SULT1C2: variants seen among roughly 807,000 people sequenced by gnomAD.
SULT1C2 encodes the protein sulfotransferase family 1C member 2, also known as sulfotransferase 1C2.
In SULT1C2, 27 loss-of-function variants were observed where a neutral mutation model predicts 36.0. That is an observed-to-expected ratio of 0.75 (90% CI 0.55 to 1.03). SULT1C2 has a LOEUF of 1.03. Ranked by LOEUF, SULT1C2 falls within the 50% of genes least tolerant of loss-of-function variation. The pLI is 0.00. For synonymous variants in SULT1C2, 121 were observed against 116.0 expected (o/e 1.04, Z -0.27); for missense variants, 395 against 359.2 (o/e 1.10, Z -0.80).
intron 2 of SULT1C2, among the ~76,000 whole-genome samples, 165 bp downstream of exon 2, chr2:108,293,983 A>G (rs1024503267): frequency 6.6e-6 from 1 of 152,178 alleles, no homozygotes; most frequent in Admixed American, 6.5e-5. Context: ...GTTTTCCAGG[A>G]AAGCTGCTAT....
chr2:108,291,079 C>T (rs1013173765), intron 1 of SULT1C2, among the ~76,000 whole-genome samples: 3 of 152,180 alleles, frequency 2.0e-5, no homozygotes, highest in African/African-American at 7.2e-5. Context: ...AGAAGAATCC[C>T]TTCCAAGCTC....
chr2:108,291,659 A>G (rs974562671), intron 1 of SULT1C2, among the ~76,000 whole-genome samples: 38 of 152,198 alleles, frequency 2.5e-4, no homozygotes, highest in African/African-American at 9.2e-4. Flanking sequence ...ATTCGTATAC[A>G]GATGTTGGCT....
intron 4 of SULT1C2, chr2:108,302,026 A>G (rs1025589773): frequency 2.0e-5 from 3 of 152,208 alleles, no homozygotes; most frequent in Non-Finnish European, 2.9e-5. Flanking sequence ...GAACCCCTGA[A>G]GCCCTTATAT....
intron 5 of SULT1C2, 68 bp downstream of exon 5, chr2:108,304,768 A>T: frequency 6.5e-7 from 1 of 1,549,922 alleles, no homozygotes; most frequent in South Asian, 1.3e-5. Flanking sequence ...AACCACAGGC[A>T]GCATTTTATC....
rs143858235 is a variant in SULT1C2, at chr2:108,308,425, GA to G, written c.853del (p.Met285TrpfsTer6). 2.2e-3 allele frequency: 3,625 copies of G among 1,612,756 alleles called. 86 individuals carry two copies. The African/African-American group carries it at 0.043, about 19-fold the overall frequency. ...GGTTTGATGAAATCTATAGAAGAAAGATGGAAGGAACCTCCATAAACTTCTG... is the reference window on the plus strand; with the variant it reads ...GGTTTGATGAAATCTATAGAAGAAAGTGGAAGGAACCTCCATAAACTTCTG... ...ERFDEIYRRK[M>X]EGTSINFCME... is the part of the protein sequence containing the mutation. On this transcript the variant is annotated frameshift_variant, in exon 8 of 8. Coordinates refer to ENST00000251481, the MANE Select transcript of SULT1C2 (RefSeq NM_001056.4). LOFTEE classifies it high-confidence loss of function.
intron 4 of SULT1C2, chr2:108,301,247 G>A (rs1321387773): frequency 1.7e-5 from 5 of 292,986 alleles, no homozygotes; most frequent in African/African-American, 1.1e-4. Context: ...GCCATGGGGA[G>A]GTTTTCTAAC....
intron 4 of SULT1C2, chr2:108,301,810 C>T (rs1380914326): frequency 6.6e-6 from 1 of 152,216 alleles, no homozygotes; most frequent in African/African-American, 2.4e-5. Flanking sequence ...GTCAAGGGTA[C>T]AAACTGAGCC....
At chr2:108,299,798 A>G (rs1258340931) in intron 3 of SULT1C2, 5 of 152,254 alleles carry the variant, frequency 3.3e-5, no homozygotes, top group Admixed American at 2.0e-4. Flanking sequence ...AAATAACATT[A>G]TTCACAATAG....
intron 4 of SULT1C2, chr2:108,302,090 T>C (rs1676892247): frequency 6.6e-6 from 1 of 152,178 alleles, no homozygotes; most frequent in Non-Finnish European, 1.5e-5. Context: ...TTTTAATGCA[T>C]AACTGAGATC....
chr2:108,293,919 T>C, intron 2 of SULT1C2, 101 bp downstream of exon 2: 1 of 1,490,970 alleles, frequency 6.7e-7, no homozygotes, highest in South Asian at 1.3e-5. Flanking sequence ...TCCTTCTTAT[T>C]GTTCCACAAT....
Position 108,288,903 on chromosome 2 carries a change from G to C in SULT1C2, c.-189G>C, listed in dbSNP as rs1335660257. ...AAAAGCTTCAACTTCCCACACTGAA[G>C]CTGAGAGCCTCCCAAAGTGCTGGCT... On this transcript the variant is annotated 5_prime_UTR_variant, in exon 1 of 8. Transcript: ENST00000251481. 1 of 152,578 alleles carries C rather than the reference G, an allele frequency of 6.6e-6. No individual in the cohort carries two copies. Among genetic ancestry groups the C allele is most frequent in the East Asian group, 1.9e-4 (1 of 5,176 alleles). The allele number at this position is 152,578 out of a possible 1,614,324, so 9.5% of individuals were successfully genotyped here. A position where few individuals can be genotyped will look rare whatever the true frequency, so the allele number is the denominator to read the frequency against.
At position 108,305,777 on chromosome 2, in the gene SULT1C2, C is replaced by T. The variant is rs1677009674; in HGVS notation, c.778+182C>T. On this transcript the variant is annotated intron_variant, in intron 7 of 7. Coordinates refer to ENST00000251481, the MANE Select transcript of SULT1C2 (RefSeq NM_001056.4). The stretch of plus-strand genomic sequence containing the variant: ...AAGAGAGCTTTCTAGGGTATTGTTC[C>T]AGTATTTGGTTGCAAGGAACAGAGA... The T allele has an allele frequency of 1.0e-5, 8 of 774,666 alleles. No individual in the cohort carries two copies. The East Asian group carries it at 1.7e-4, about 16-fold the overall frequency. The allele number at this position is 774,666 out of a possible 1,614,324, so 48.0% of individuals were successfully genotyped here.
At position 108,300,758 on chromosome 2, in the gene SULT1C2, G is replaced by T. The variant is rs17036079; in HGVS notation, c.278-80G>T. The T allele has an allele frequency of 3.8e-6, 6 of 1,589,400 alleles. No homozygotes were observed. The African/African-American group carries it at 8.1e-5, about 21-fold the overall frequency. On this transcript the variant is annotated intron_variant, in intron 3 of 7. Transcript: ENST00000251481. ...CAGAAAGACAGGTGGGTGATGGGATGTCCTGGACAGAGCCTGGATCATGAG... is the reference window on the plus strand; with the variant it reads ...CAGAAAGACAGGTGGGTGATGGGATTTCCTGGACAGAGCCTGGATCATGAG...
chr2:108,289,154 G>C (rs1286483348), intron 1 of SULT1C2, 84 bp downstream of exon 1: 1 of 152,616 alleles, frequency 6.6e-6, no homozygotes, highest in Non-Finnish European at 1.5e-5. Context: ...TGGCTTTACA[G>C]ATGCATTTAT....
In SULT1C2 at chr2:108,308,467, A is replaced by G. The variant is rs759272565; in HGVS notation, c.*3A>G. ...TAAACTTCTGCATGGAACTCTGAGCAAGATGTAAATAAAATTAAAAGGTGG... is the reference window on the plus strand; with the variant it reads ...TAAACTTCTGCATGGAACTCTGAGCGAGATGTAAATAAAATTAAAAGGTGG... On this transcript the variant is annotated 3_prime_UTR_variant, in exon 8 of 8. Coordinates refer to ENST00000251481, the MANE Select transcript of SULT1C2 (RefSeq NM_001056.4). The G allele has an allele frequency of 1.3e-6, 2 of 1,598,348 alleles. No homozygotes were observed. Among genetic ancestry groups the G allele is most frequent in the Non-Finnish European group, 1.7e-6 (2 of 1,175,430 alleles).
chr2:108,305,508 G>A lies in SULT1C2; in HGVS notation c.691G>A (p.Glu231Lys). The A allele has an allele frequency of 1.2e-6, 2 of 1,614,170 alleles. No individual in the cohort carries two copies. Among genetic ancestry groups the A allele is most frequent in the Non-Finnish European group, 1.7e-6 (2 of 1,180,026 alleles). Residue 231 changes from glutamate to lysine, a missense_variant, in exon 7 of 8, where the codon GAG becomes AAG. Coordinates refer to ENST00000251481, the MANE Select transcript of SULT1C2 (RefSeq NM_001056.4). ...LDKIVQETSF[E>K]KMKENPMTNR... is the part of the protein sequence containing the mutation. The stretch of plus-strand genomic sequence containing the variant: ...TAAAATTGTCCAGGAGACGTCATTT[G>A]AGAAAATGAAAGAAAATCCCATGAC...
intron 4 of SULT1C2, chr2:108,301,140 T>C (rs4149425): frequency 0.05 from 31,349 of 625,836 alleles, 919 homozygotes; most frequent in East Asian, 0.08. Flanking sequence ...AGGATCCAGA[T>C]TGAATGTTTG....
intron 3 of SULT1C2, among the ~76,000 whole-genome samples, chr2:108,296,673 G>A (rs928364172): frequency 9.2e-5 from 14 of 152,212 alleles, no homozygotes; most frequent in East Asian, 3.9e-4. Flanking sequence ...GGCTGGTCTC[G>A]AACTCCTGAC....
chr2:108,305,169 C>T lies in SULT1C2; in HGVS notation c.503-3C>T. On this transcript the variant is annotated splice_polypyrimidine_tract_variant and splice_region_variant and intron_variant, in intron 5 of 7. Coordinates refer to ENST00000251481, the MANE Select transcript of SULT1C2 (RefSeq NM_001056.4). ...ACTATTCTGTTTCCTGTGTCTATTTCAGTGGTTTGGGGTTCCTGGTTTGAC... is the reference window on the plus strand; with the variant it reads ...ACTATTCTGTTTCCTGTGTCTATTTTAGTGGTTTGGGGTTCCTGGTTTGAC... The T allele has an allele frequency of 6.2e-7, 1 of 1,614,112 alleles. No individual in the cohort carries two copies.
Sources: allele counts gnomAD v4.1 joint callset (sites outside exome capture counted in the v4.1 genomes callset), GRCh38; gene constraint gnomAD v4.1.1; transcripts MANE v1.5; gene names NCBI Gene and HGNC (gene_info 2026-07-23, HGNC 2026-07-21).